The following TBC1D2 variants were observed in gnomAD, a reference collection of about 807,000 sequenced individuals.
The protein encoded by TBC1D2 is TBC1 domain family member 2.
TBC1D2 carries 58 observed loss-of-function variants against 91.1 expected under a neutral mutation model. The observed-to-expected ratio is 0.64, with a 90% CI of 0.52 to 0.79. The LOEUF is 0.79. Among genes scored for constraint, TBC1D2 ranks in the 30% least tolerant of loss-of-function variants. TBC1D2 has a pLI of 0.00. For missense variants in TBC1D2, 1,080 were observed against 1,208.3 expected (o/e 0.89, Z 1.57); for synonymous variants, 482 against 511.5 (o/e 0.94, Z 0.78).
chr9:98,233,218 T>C (rs759369870), intron 4 of TBC1D2, among the ~76,000 whole-genome samples, 198 bp downstream of exon 4: 5 of 152,250 alleles, frequency 3.3e-5, no homozygotes, highest in Non-Finnish European at 7.3e-5. Context: ...ATCTTGGACC[T>C]CCCAGCTTCC....
At chr9:98,240,166 G>GGTGTGTGTGTGTGTGTGTGTGT (rs60630078) in intron 3 of TBC1D2, among the ~76,000 whole-genome samples, 14 of 137,856 alleles carry the variant, frequency 1.0e-4, no homozygotes, top group African/African-American at 3.5e-4. Flanking sequence ...GTGTTTGTGT[G>GGTGTGTGTGTGTGTGTGTGTGT]GTGTGTGTGT....
At chr9:98,245,571 GA>G (rs948161607) in intron 2 of TBC1D2, among the ~76,000 whole-genome samples, 175 of 148,744 alleles carry the variant, frequency 1.2e-3, no homozygotes, top group African/African-American at 3.6e-3. Flanking sequence ...CGCCTCAAAA[GA>G]AAAAAAAAAT....
rs1282456725 is a variant in TBC1D2 at position 98,251,815 on chromosome 9, C to T, written c.481G>A (p.Gly161Arg). Residue 161 changes from glycine to arginine, a missense_variant, in exon 2 of 13, where the codon GGG becomes AGG. Transcript: ENST00000465784. ...TCGAGGTGCAGGACGGGCCCATTCC[C>T]AGCCAGGGCGGCATCAGGGGTGGCA... ...PPATPDAALA[G>R]NGPVLHLELG... is the part of the protein sequence containing the mutation. The T allele has an allele frequency of 6.2e-7, 1 of 1,602,958 alleles. No individual in the cohort carries two copies. The highest frequency in any genetic ancestry group is 8.5e-7 in the Non-Finnish European group (1 of 1,175,532).
Position 98,201,779 on chromosome 9 carries a change from GGTC to G in TBC1D2, c.2272-118_2272-116del, listed in dbSNP as rs1477568323. 6 of 1,098,374 alleles carry G rather than the reference GGTC, an allele frequency of 5.5e-6. No individual in the cohort carries two copies. In the African/African-American group the frequency reaches 9.5e-5, roughly 17 times the overall value. The allele number at this position is 1,098,374 out of a possible 1,614,324, so 68.0% of individuals were successfully genotyped here. A position where few individuals can be genotyped will look rare whatever the true frequency, so the allele number is the denominator to read the frequency against. On this transcript the variant is annotated intron_variant, in intron 10 of 12. Transcript: ENST00000465784. ...CACAATCCTGAAGCTGCTCTGGGCA[GGTC>G]CTTTCCTGCCCAGGAGACACCTCGG...
At chr9:98,243,654 A>G (rs1041387166) in intron 3 of TBC1D2, among the ~76,000 whole-genome samples, 1 of 150,688 alleles carries the variant, frequency 6.6e-6, no homozygotes, top group Non-Finnish European at 1.5e-5. Flanking sequence ...CTCCTGCCTC[A>G]GCCTCCTGAG....
In TBC1D2 at chr9:98,199,125, C is replaced by G. The variant is rs188026196; in HGVS notation, c.*256G>C. ...GGCAGTGCTCTTGCTTGTTTACATG[C>G]CAAAGTGCTCTGTGGAAGAGGTGAC... On this transcript the variant is annotated 3_prime_UTR_variant, in exon 13 of 13. Coordinates refer to ENST00000465784, the MANE Select transcript of TBC1D2 (RefSeq NM_001267571.2). 364 of 590,154 alleles carry G rather than the reference C, an allele frequency of 6.2e-4. No homozygotes were observed. In the African/African-American group the frequency reaches 6.4e-3, roughly 10 times the overall value. 36.6% of individuals were successfully genotyped at this position (590,154 alleles called of 1,614,324 possible).
chr9:98,227,237 A>G (rs1829253455), intron 5 of TBC1D2, among the ~76,000 whole-genome samples: 1 of 152,204 alleles, frequency 6.6e-6, no homozygotes. Context: ...ATAACTACAC[A>G]TTTGGGTGTT....
chr9:98,224,732 T>C (rs1829189143), intron 5 of TBC1D2, among the ~76,000 whole-genome samples: 1 of 152,240 alleles, frequency 6.6e-6, no homozygotes, highest in African/African-American at 2.4e-5. Context: ...GCATTGCTAC[T>C]TTCATCAGTG....
intron 3 of TBC1D2, among the ~76,000 whole-genome samples, chr9:98,240,897 C>T (rs940120318): frequency 6.6e-6 from 1 of 152,088 alleles, no homozygotes; most frequent in Non-Finnish European, 1.5e-5. Context: ...GTTCATGGAC[C>T]ATTTTCTGTT....
At position 98,209,473 on chromosome 9, in the gene TBC1D2, G is replaced by A. The variant is rs1358673213; in HGVS notation, c.1674-329C>T. ...ATAAAGGACCCTCTTATTACTCCAT[G>A]CAGCCTTAGGCCCAAGGAGTCCTGC... On this transcript the variant is annotated intron_variant, in intron 8 of 12. Transcript: ENST00000465784. 3.9e-5 allele frequency among the ~76,000 whole-genome samples: 6 copies of A among 152,142 alleles called. No homozygotes were observed. In the East Asian group the frequency reaches 1.2e-3, roughly 29 times the overall value.
chr9:98,205,924 C>T (rs913458206), intron 9 of TBC1D2, among the ~76,000 whole-genome samples: 2 of 151,648 alleles, frequency 1.3e-5, no homozygotes, highest in African/African-American at 4.9e-5. Context: ...GACCTGCAGG[C>T]TTGGGTTTAG....
Position 98,229,144 on chromosome 9 carries a change from T to C in TBC1D2, c.786A>G (p.Arg262=). ...CAGGCTTTGGAGAATCCTCTGGCTC[T>C]CTCCCTGCTCAAGAGGAGAAACGCA... ...PLASDASTPG[R]EPEDSPKPAP... Residue 262 remains arginine (R), a synonymous_variant, in exon 5 of 13, where the codon AGA becomes AGG. Coordinates refer to ENST00000465784, the MANE Select transcript of TBC1D2 (RefSeq NM_001267571.2). 6.2e-7 allele frequency: 1 copy of C among 1,614,094 alleles called. No homozygotes were observed. Among genetic ancestry groups the C allele is most frequent in the African/African-American group, 1.3e-5 (1 of 75,046 alleles).
Position 98,209,068 on chromosome 9 carries a change from C to G in TBC1D2, c.1750G>C (p.Ala584Pro). ...AGGTGGTGGGATCGTGACTCCAATG[C>G]CTGGATCTTGGCCAGCAGCTTCAGG... ...EDLKLLAKIQ[A>P]LESRSHHLLG... Residue 584 changes from alanine (A) to proline (P), a missense_variant, in exon 9 of 13, where the codon GCA becomes CCA. Transcript: ENST00000465784. The G allele has an allele frequency of 1.2e-6, 2 of 1,614,170 alleles. No homozygotes were observed. The highest frequency in any genetic ancestry group is 2.2e-5 in the South Asian group (2 of 91,088).
intron 5 of TBC1D2, among the ~76,000 whole-genome samples, chr9:98,224,050 A>T (rs1197687666): frequency 1.3e-5 from 2 of 151,880 alleles, no homozygotes; most frequent in Non-Finnish European, 2.9e-5. Flanking sequence ...ATACAAAAAA[A>T]TTAGCCAGGC....
In TBC1D2 at chr9:98,208,902, A is replaced by C. The variant is rs1768912660; in HGVS notation, c.1916T>G (p.Val639Gly). The C allele has an allele frequency of 1.2e-6, 2 of 1,614,050 alleles. No individual in the cohort carries two copies. The highest frequency in any genetic ancestry group is 1.7e-5 in the Admixed American group (1 of 60,022). Residue 639 changes from valine to glycine, a missense_variant, in exon 9 of 13, where the codon GTC becomes GGC. Transcript: ENST00000465784. ...EHRPRVWRWL[V>G]HLRVQHLHTP... ...GTGCAGGTGCTGGACACGGAGGTGG[A>C]CCAGCCACCTCCAGACACGAGGCCG...
intron 3 of TBC1D2, among the ~76,000 whole-genome samples, chr9:98,237,773 T>C (rs1186044348): frequency 6.6e-6 from 1 of 152,116 alleles, no homozygotes; most frequent in Non-Finnish European, 1.5e-5. Context: ...TCTTGAATTT[T>C]AGGTTTAACT....
At position 98,221,100 on chromosome 9, in the gene TBC1D2, G is replaced by A. The variant is rs772133768; in HGVS notation, c.1107C>T (p.Ile369=). Residue 369 remains isoleucine, a synonymous_variant, in exon 6 of 13, where the codon ATC becomes ATT. Coordinates refer to ENST00000465784, the MANE Select transcript of TBC1D2 (RefSeq NM_001267571.2). ...CCTCCACCCGCCGGCCCAGCTCCGC[G>A]ATCTGCCGCACTTTGTGCCGCACCA... is the stretch of plus-strand genomic sequence containing the variant. The part of the protein sequence containing the change: ...LELVRHKVRQ[I]AELGRRVEAL... The A allele has an allele frequency of 2.9e-5, 46 of 1,605,498 alleles. No homozygotes were observed. In the East Asian group the frequency reaches 8.8e-4, roughly 31 times the overall value.
intron 10 of TBC1D2, 84 bp downstream of exon 10, chr9:98,203,204 C>T (rs1828556385): frequency 6.4e-7 from 1 of 1,561,318 alleles, no homozygotes; most frequent in African/African-American, 1.4e-5. Context: ...AGATTCCCAA[C>T]TTTCCTGAGA....
At chr9:98,242,706 T>C (rs1323615817) in intron 3 of TBC1D2, among the ~76,000 whole-genome samples, 1 of 151,732 alleles carries the variant, frequency 6.6e-6, no homozygotes, top group East Asian at 1.9e-4. Flanking sequence ...AAGAAAAGCA[T>C]TGAGAAACAA....
Sources: gnomAD v4.1 joint callset for allele counts (sites outside exome capture counted in the v4.1 genomes callset) on GRCh38, gnomAD v4.1.1 for gene constraint, MANE v1.5 for transcripts, NCBI Gene and HGNC (gene_info 2026-07-23, HGNC 2026-07-21) for gene names.